The following STAM2 variants were observed in gnomAD, a reference collection of about 807,000 sequenced individuals.
STAM2 encodes signal transducing adapter molecule 2.
In STAM2, 51 loss-of-function variants were observed where a neutral mutation model predicts 65.6. The ratio of observed to expected loss-of-function variants is 0.78; its 90% CI spans 0.62 to 0.98. STAM2 has a LOEUF of 0.98. Ranked by LOEUF, STAM2 falls within the 50% of genes least tolerant of loss-of-function variation. The pLI, the probability that STAM2 is intolerant of heterozygous loss-of-function variation, is 0.00. For synonymous variants in STAM2, 198 were observed against 208.4 expected (o/e 0.95, Z 0.43); for missense variants, 584 against 617.8 (o/e 0.95, Z 0.58).
intron 1 of STAM2, among the ~76,000 whole-genome samples, 165 bp downstream of exon 1, chr2:152,175,438 G>A (rs1343943080): frequency 1.3e-5 from 2 of 152,298 alleles, no homozygotes; most frequent in South Asian, 2.1e-4. Context: ...ACGCGCCGAG[G>A]TTGCCCCAGA....
intron 7 of STAM2, among the ~76,000 whole-genome samples, chr2:152,137,244 T>C (rs1487464092): frequency 2.0e-5 from 3 of 152,126 alleles, no homozygotes; most frequent in African/African-American, 7.2e-5. Context: ...GCTGTGAAAA[T>C]TCACCTTTCT....
In STAM2 at chr2:152,123,867, T is replaced by C. The variant is rs1229563386; in HGVS notation, c.1248A>G (p.Gln416=). 2 of 1,614,128 alleles carry C rather than the reference T, an allele frequency of 1.2e-6. No individual in the cohort carries two copies. Among genetic ancestry groups the C allele is most frequent in the Non-Finnish European group, 8.5e-7 (1 of 1,180,022 alleles). The change falls in exon 13 of 14, where the codon CAA becomes CAG. Residue 416 remains glutamine (Q), a synonymous_variant. Coordinates refer to ENST00000263904, the MANE Select transcript of STAM2 (RefSeq NM_005843.6). ...GQSIHQVTVA[Q]SYSLGPDQIG... ...TTTGATCGGGTCCTAGGCTATAGCT[T>C]TGGGCAACAGTTACTTGGTGAATGC...
At chr2:152,175,559 C>T in intron 1 of STAM2, 44 bp downstream of exon 1, 1 of 1,613,216 alleles carries the variant, frequency 6.2e-7, no homozygotes, top group Non-Finnish European at 8.5e-7. Flanking sequence ...AACAGCAGTC[C>T]AGGGCCAGGC....
At chr2:152,129,306 C>T (rs1179975628) in intron 11 of STAM2, among the ~76,000 whole-genome samples, 1 of 152,026 alleles carries the variant, frequency 6.6e-6, no homozygotes, top group Admixed American at 6.5e-5. Context: ...ACCACCAAGC[C>T]CAGCTAATCA....
In STAM2 at chr2:152,125,557, G is replaced by A. The variant is rs943684676; in HGVS notation, c.1179+669C>T. Among the ~76,000 whole-genome samples, 2 of 152,050 alleles carry A rather than the reference G, an allele frequency of 1.3e-5. 1 individual carries two copies. Among genetic ancestry groups the A allele is most frequent in the South Asian group, 4.1e-4 (2 of 4,828 alleles). ...GGGATACTGACAAATGTAAGTATTC[G>A]CTTCACATGGCAAGCACACAAAAAA... is the stretch of plus-strand genomic sequence containing the variant. On this transcript the variant is annotated intron_variant, in intron 12 of 13. Coordinates refer to ENST00000263904, the MANE Select transcript of STAM2 (RefSeq NM_005843.6).
chr2:152,141,955 T>C (rs972831898), intron 7 of STAM2, among the ~76,000 whole-genome samples: 11 of 152,172 alleles, frequency 7.2e-5, no homozygotes, highest in African/African-American at 2.7e-4. Context: ...GGGACTTCTG[T>C]GTGTGAAAAT....
At chr2:152,165,261 TAA>T (rs563213920) in intron 1 of STAM2, among the ~76,000 whole-genome samples, 2 of 146,708 alleles carry the variant, frequency 1.4e-5, no homozygotes, top group Non-Finnish European at 3.0e-5. Context: ...TCGTCTCTAT[TAA>T]AAAAAAAAAT....
At chr2:152,161,315 T>G (rs1432213645) in intron 1 of STAM2, among the ~76,000 whole-genome samples, 1 of 150,012 alleles carries the variant, frequency 6.7e-6, no homozygotes, top group Non-Finnish European at 1.5e-5. Flanking sequence ...TCGTTAAGAG[T>G]CATCACCACT....
chr2:152,159,090 A>C (rs1689607714), intron 1 of STAM2, among the ~76,000 whole-genome samples: 1 of 71,592 alleles, frequency 1.4e-5, no homozygotes, highest in South Asian at 5.7e-4. Context: ...AGCCAAAAAA[A>C]AACCATATAT....
rs371212329 is a variant in STAM2 at position 152,158,475 on chromosome 2, CA to C, written c.41-8247del. Among the ~76,000 whole-genome samples, 552 of 146,580 alleles carry C rather than the reference CA, an allele frequency of 3.8e-3. 4 individuals carry two copies. The highest frequency in any genetic ancestry group is 6.9e-3 in the Middle Eastern group (2 of 290). ...TGGGCGACAGAGCAAGATTCCATCTCAAAAAAAAAATAATAATAATTGTAAT... is the reference window on the plus strand; with the variant it reads ...TGGGCGACAGAGCAAGATTCCATCTCAAAAAAAAATAATAATAATTGTAAT... On this transcript the variant is annotated intron_variant, in intron 1 of 13. Transcript: ENST00000263904.
chr2:152,125,669 G>A (rs1001433420), intron 12 of STAM2, among the ~76,000 whole-genome samples: 1 of 152,164 alleles, frequency 6.6e-6, no homozygotes, highest in African/African-American at 2.4e-5. Context: ...TCATATCTTT[G>A]CTATGCACAG....
intron 4 of STAM2, among the ~76,000 whole-genome samples, 181 bp downstream of exon 4, chr2:152,147,843 T>A (rs1689362493): frequency 6.6e-6 from 1 of 152,170 alleles, no homozygotes; most frequent in Admixed American, 6.5e-5. Context: ...GTATATATAC[T>A]TTGGGGAGAA....
intron 5 of STAM2, among the ~76,000 whole-genome samples, chr2:152,145,544 A>C (rs72864740): frequency 4.6e-5 from 7 of 152,172 alleles, no homozygotes; most frequent in Admixed American, 4.6e-4. Context: ...AATAGAATTT[A>C]AAAAAGACTC....
chr2:152,165,183 T>C (rs1193608213), intron 1 of STAM2, among the ~76,000 whole-genome samples: 1 of 152,010 alleles, frequency 6.6e-6, no homozygotes, highest in Non-Finnish European at 1.5e-5. Flanking sequence ...CCCAGCACTT[T>C]GGGAGGCCGA....
At chr2:152,151,412 C>T (rs1689443414) in intron 1 of STAM2, among the ~76,000 whole-genome samples, 1 of 152,014 alleles carries the variant, frequency 6.6e-6, no homozygotes, top group Non-Finnish European at 1.5e-5. Flanking sequence ...AAACTCCTGA[C>T]CTTGTGATCC....
intron 1 of STAM2, among the ~76,000 whole-genome samples, chr2:152,155,463 G>A (rs533047175): frequency 2.0e-5 from 3 of 152,312 alleles, no homozygotes; most frequent in Non-Finnish European, 2.9e-5. Context: ...GCAACAAAAC[G>A]TAACAGCACT....
chr2:152,152,663 A>C (rs1689468044), intron 1 of STAM2, among the ~76,000 whole-genome samples: 1 of 152,238 alleles, frequency 6.6e-6, no homozygotes, highest in Non-Finnish European at 1.5e-5. Flanking sequence ...CCTTTGGTGT[A>C]TATCTAGGAG....
chr2:152,123,265 A>AG (rs1688895293), intron 13 of STAM2, among the ~76,000 whole-genome samples: 1 of 151,974 alleles, frequency 6.6e-6, no homozygotes, highest in Non-Finnish European at 1.5e-5. Flanking sequence ...CCAGCTACTC[A>AG]GGGGGCTGAG....
chr2:152,150,039 G>T, intron 2 of STAM2, 106 bp downstream of exon 2: 1 of 744,568 alleles, frequency 1.3e-6, no homozygotes, highest in South Asian at 1.8e-5. Context: ...TGTTGTTCAA[G>T]GGTCAACTGT....
Sources: gnomAD v4.1 joint callset for allele counts (sites outside exome capture counted in the v4.1 genomes callset) on GRCh38, gnomAD v4.1.1 for gene constraint, MANE v1.5 for transcripts, NCBI Gene and HGNC (gene_info 2026-07-23, HGNC 2026-07-21) for gene names.